PCTP: variants seen among roughly 807,000 people sequenced by gnomAD.
PCTP encodes the protein START domain-containing protein 2.
A neutral mutation model predicts 31.0 loss-of-function variants in PCTP; 27 were observed. That is an observed-to-expected ratio of 0.87 (90% CI 0.64 to 1.20). The LOEUF (loss-of-function observed/expected upper bound fraction) is 1.20. Ranked by LOEUF, PCTP falls within the 50% of genes most tolerant of loss-of-function variation. The probability of loss-of-function intolerance (pLI) is 0.00; values close to 1 mark genes in which losing one functional copy is unlikely to be tolerated. For synonymous variants in PCTP, 108 were observed against 101.2 expected (o/e 1.07, Z -0.40); for missense variants, 287 against 268.2 (o/e 1.07, Z -0.49).
intron 1 of PCTP, among the ~76,000 whole-genome samples, chr17:55,752,276 T>G (rs775205608): frequency 5.9e-5 from 9 of 152,244 alleles, no homozygotes; most frequent in Non-Finnish European, 1.5e-5. Context: ...ATTTAGAAGT[T>G]GCTCACCTGT....
At chr17:55,764,845 G>A (rs1392570979) in intron 1 of PCTP, among the ~76,000 whole-genome samples, 2 of 152,188 alleles carry the variant, frequency 1.3e-5, no homozygotes, top group Non-Finnish European at 2.9e-5. Flanking sequence ...TCATCCAAAA[G>A]TTTATGTTCG....
intron 1 of PCTP, among the ~76,000 whole-genome samples, chr17:55,757,200 T>G (rs529474496): frequency 8.6e-5 from 13 of 150,974 alleles, no homozygotes; most frequent in Non-Finnish European, 1.8e-4. Context: ...ACACACATGC[T>G]TGTGTGTGTA....
chr17:55,822,341 C>T (rs576656385), intron 3 of PCTP, among the ~76,000 whole-genome samples: 1 of 152,166 alleles, frequency 6.6e-6, no homozygotes, highest in Non-Finnish European at 1.5e-5. Flanking sequence ...GAACACATTT[C>T]AGGATGTTTG....
At chr17:55,809,548 A>T (rs1912682914) in intron 3 of PCTP, among the ~76,000 whole-genome samples, 1 of 150,532 alleles carries the variant, frequency 6.6e-6, no homozygotes, top group Admixed American at 6.6e-5. Context: ...TTGGAGACGA[A>T]GTCTTGCTCT....
intron 5 of PCTP, 28 bp downstream of exon 5, chr17:55,774,887 GAGGGAT>G: frequency 7.4e-6 from 4 of 542,044 alleles, no homozygotes; most frequent in South Asian, 1.5e-5. Context: ...GGGGCGGGGG[GAGGGAT>G]GGGGGAGTGT....
the PCTP span, among the ~76,000 whole-genome samples, chr17:55,850,054 A>G: frequency 1.3e-5 from 2 of 152,332 alleles, no homozygotes; most frequent in South Asian, 4.1e-4. Flanking sequence ...GCCATTCAAA[A>G]TTGAATATAA....
chr17:55,751,399 G>T, intron 1 of PCTP, 155 bp downstream of exon 1: 1 of 1,534,456 alleles, frequency 6.5e-7, no homozygotes, highest in Non-Finnish European at 8.7e-7. Context: ...AAGCTCTGGA[G>T]CTAGCGCAGG....
At chr17:55,773,568 G>T (rs1022948826) in intron 3 of PCTP, 156 bp from the exon 4 acceptor site, 7 of 633,334 alleles carry the variant, frequency 1.1e-5, no homozygotes, top group African/African-American at 9.1e-5. Context: ...TGCAGTGCAG[G>T]TATGGAGACA....
chr17:55,755,995 C>G (rs1438071448), intron 1 of PCTP, among the ~76,000 whole-genome samples: 1 of 152,182 alleles, frequency 6.6e-6, no homozygotes, highest in Non-Finnish European at 1.5e-5. Flanking sequence ...CATTCTGTTT[C>G]CGGAGGCTAA....
At chr17:55,819,737 C>A (rs1245668639) in intron 3 of PCTP, among the ~76,000 whole-genome samples, 1 of 152,084 alleles carries the variant, frequency 6.6e-6, no homozygotes, top group African/African-American at 2.4e-5. Context: ...GAGTGAGACC[C>A]TGCCTAAAAA....
intron 5 of PCTP, among the ~76,000 whole-genome samples, chr17:55,832,812 A>G (rs1399062767): frequency 6.6e-6 from 1 of 152,206 alleles, no homozygotes; most frequent in Admixed American, 6.5e-5. Flanking sequence ...TAGGCCCTGG[A>G]CATTGGAGTA....
intron 3 of PCTP, among the ~76,000 whole-genome samples, chr17:55,810,973 G>C (rs975710455): frequency 1.3e-5 from 2 of 152,190 alleles, no homozygotes; most frequent in African/African-American, 4.8e-5. Flanking sequence ...CAAGCTGCCA[G>C]AGTTCTTTAA....
intron 5 of PCTP, among the ~76,000 whole-genome samples, chr17:55,839,154 T>C (rs560778935): frequency 4.6e-5 from 7 of 152,326 alleles, no homozygotes; most frequent in African/African-American, 1.7e-4. Flanking sequence ...GTAGCAGCAG[T>C]GACTTAACAG....
chr17:55,781,352 GA>G (rs1473119633), downstream of PCTP, among the ~76,000 whole-genome samples: 1 of 152,202 alleles, frequency 6.6e-6, no homozygotes. Flanking sequence ...TGTCAAAATT[GA>G]AGGCTTACTA....
intron 1 of PCTP, among the ~76,000 whole-genome samples, chr17:55,754,895 A>G (rs1424848279): frequency 6.6e-6 from 1 of 152,074 alleles, no homozygotes; most frequent in African/African-American, 2.4e-5. Context: ...GTGTGTGTGT[A>G]TACTCTATGT....
At chr17:55,789,378 G>T (rs1027100362) in intron 3 of PCTP, among the ~76,000 whole-genome samples, 5 of 152,056 alleles carry the variant, frequency 3.3e-5, no homozygotes, top group Admixed American at 1.3e-4. Context: ...TTTCCTTTTT[G>T]TTCAGATACA....
At chr17:55,807,156 A>G (rs151160987) in intron 3 of PCTP, among the ~76,000 whole-genome samples, 25 of 152,314 alleles carry the variant, frequency 1.6e-4, no homozygotes, top group African/African-American at 6.0e-4. Flanking sequence ...ATGAACTATT[A>G]ATGATAGTCT....
In PCTP at chr17:55,751,253, CA is replaced by C. The variant is rs1213242396; in HGVS notation, c.141+11del. 1 of 1,533,796 alleles carries C rather than the reference CA, an allele frequency of 6.5e-7. No individual in the cohort carries two copies. Among genetic ancestry groups the C allele is most frequent in the Non-Finnish European group, 8.8e-7 (1 of 1,139,190 alleles). Reference sequence around the variant, plus strand: ...ACCGGCTGCTGGACAAGGTAGCGGCCAACCCGCTGGAGGACCGCGGGGCCTA... The same window carrying C: ...ACCGGCTGCTGGACAAGGTAGCGGCCACCCGCTGGAGGACCGCGGGGCCTA... On this transcript the variant is annotated intron_variant, in intron 1 of 5. Transcript: ENST00000268896.
chr17:55,839,436 T>A lies in PCTP; in HGVS notation n.506-3291T>A, dbSNP rs144552747. 7.5e-4 allele frequency among the ~76,000 whole-genome samples: 114 copies of A among 152,234 alleles called. 3 individuals carry two copies. In the East Asian group the frequency reaches 0.017, roughly 22 times the overall value. The stretch of plus-strand genomic sequence containing the variant: ...CTCAACCCTGCACTGAATGTTAAAA[T>A]CACCTGGGGAACTTCTGAAAAATTA... On this transcript the variant is annotated intron_variant and non_coding_transcript_variant, in intron 5 of 5. Transcript: ENST00000576221.
Sources: allele counts gnomAD v4.1 joint callset (sites outside exome capture counted in the v4.1 genomes callset), GRCh38; gene constraint gnomAD v4.1.1; transcripts MANE v1.5; gene names NCBI Gene and HGNC (gene_info 2026-07-23, HGNC 2026-07-21).